The following CRISPLD2 variants were observed in gnomAD, a reference collection of about 807,000 sequenced individuals.
The protein encoded by CRISPLD2 is cysteine rich secretory protein LCCL domain containing 2, also known as cysteine-rich secretory protein LCCL domain-containing 2.
In CRISPLD2, 47 loss-of-function variants were observed where a neutral mutation model predicts 71.1. That is an observed-to-expected ratio of 0.66 (90% CI 0.52 to 0.84). The LOEUF is 0.84. Ranked by LOEUF, CRISPLD2 falls within the 40% of genes least tolerant of loss-of-function variation. CRISPLD2 has a pLI of 0.00. For missense variants in CRISPLD2, 830 were observed against 651.1 expected, an observed-to-expected ratio of 1.27 and a Z score of -2.99; for synonymous variants, 317 against 250.1, an observed-to-expected ratio of 1.27 and a Z score of -2.52.
In CRISPLD2 at chr16:84,844,670, G is replaced by A. The variant is rs377279003; in HGVS notation, c.241-1116G>A. 1.5e-4 allele frequency among the ~76,000 whole-genome samples: 23 copies of A among 152,098 alleles called. 1 individual carries two copies. The highest frequency in any genetic ancestry group is 5.2e-4 in the Admixed American group (8 of 15,272). On this transcript the variant is annotated intron_variant, in intron 2 of 14. Coordinates refer to ENST00000262424, the MANE Select transcript of CRISPLD2 (RefSeq NM_031476.4). ...GAGCCACTGCTCCGGGCCCATCTCC[G>A]GCACTTTCTATCTTCCAACTGAAAT...
intron 1 of CRISPLD2, among the ~76,000 whole-genome samples, chr16:84,837,683 C>T (rs1916658727): frequency 2.0e-5 from 3 of 152,308 alleles, no homozygotes; most frequent in African/African-American, 7.2e-5. Context: ...TCCCAAAGTG[C>T]TGGGATTACA....
At position 84,879,520 on chromosome 16, in the gene CRISPLD2, G is replaced by C. The variant is rs377403318; in HGVS notation, c.1230-989G>C. Among the ~76,000 whole-genome samples the C allele has an allele frequency of 1.6e-4, 24 of 152,222 alleles. 1 individual carries two copies. The East Asian group carries it at 4.1e-3, about 26-fold the overall frequency. Reference sequence around the variant, plus strand: ...TGGGATTACGGGCCTGCACCACCACGCCTGGCTAATTTTGTATTTTTAGTA... The same window carrying C: ...TGGGATTACGGGCCTGCACCACCACCCCTGGCTAATTTTGTATTTTTAGTA... On this transcript the variant is annotated intron_variant, in intron 12 of 14. Coordinates refer to ENST00000262424, the MANE Select transcript of CRISPLD2 (RefSeq NM_031476.4).
intron 3 of CRISPLD2, among the ~76,000 whole-genome samples, chr16:84,847,819 T>C (rs192973533): frequency 6.6e-6 from 1 of 152,220 alleles, no homozygotes; most frequent in Non-Finnish European, 1.5e-5. Flanking sequence ...CTGGATCACT[T>C]TGAAATCTTT....
chr16:84,847,658 A>G (rs997233775), intron 3 of CRISPLD2, among the ~76,000 whole-genome samples: 1 of 152,022 alleles, frequency 6.6e-6, no homozygotes, highest in African/African-American at 2.4e-5. Context: ...CTCAAAAAAA[A>G]AAAAAAATCT....
chr16:84,838,776 G>A (rs1004624876), intron 2 of CRISPLD2, 41 bp downstream of exon 2: 5 of 1,581,342 alleles, frequency 3.2e-6, no homozygotes, highest in East Asian at 2.3e-5. Context: ...CACCGGGGGT[G>A]GGGCCTGGGC....
intron 2 of CRISPLD2, among the ~76,000 whole-genome samples, chr16:84,842,852 G>T (rs1396895369): frequency 6.6e-6 from 1 of 152,130 alleles, no homozygotes; most frequent in Admixed American, 6.5e-5. Flanking sequence ...GAGGCCCCAC[G>T]TCTCTCTGGA....
In CRISPLD2 at chr16:84,907,723, C is replaced by T. The variant is rs4783099; in HGVS notation, c.*1081C>T. 0.37 allele frequency: 56,243 copies of T among 152,066 alleles called. 10,585 individuals carry two copies. Among genetic ancestry groups the T allele is most frequent in the East Asian group, 0.46 (2,391 of 5,172 alleles). 9.4% of individuals were successfully genotyped at this position (152,066 alleles called of 1,614,324 possible). On this transcript the variant is annotated 3_prime_UTR_variant, in exon 15 of 15. Coordinates refer to ENST00000262424, the MANE Select transcript of CRISPLD2 (RefSeq NM_031476.4). ...ATGGAGTCTTTGGTACATTCCTCAC[C>T]GAGGTTAGCAGCTCAGTTTGTGGTT...
chr16:84,849,189 C>T (rs562485461), intron 3 of CRISPLD2, 196 bp from the exon 4 acceptor site: 2 of 571,980 alleles, frequency 3.5e-6, no homozygotes, highest in Non-Finnish European at 6.3e-6. Flanking sequence ...CCTCGCTGCC[C>T]GTGGCTGCTC....
chr16:84,866,375 A>T (rs960259144), intron 6 of CRISPLD2, among the ~76,000 whole-genome samples: 1 of 152,088 alleles, frequency 6.6e-6, no homozygotes, highest in Non-Finnish European at 1.5e-5. Context: ...AGCTGGGATG[A>T]CAGGCGTCCG....
At chr16:84,877,012 C>G (rs1038768876) in intron 11 of CRISPLD2, among the ~76,000 whole-genome samples, 2 of 152,158 alleles carry the variant, frequency 1.3e-5, no homozygotes, top group African/African-American at 2.4e-5. Flanking sequence ...AGCTCTAGAG[C>G]AGGCACTGGA....
intron 14 of CRISPLD2, among the ~76,000 whole-genome samples, chr16:84,898,832 A>G (rs1434086375): frequency 1.3e-5 from 2 of 151,854 alleles, no homozygotes; most frequent in African/African-American, 2.4e-5. Flanking sequence ...TTTATTTCTC[A>G]CTTATAGTCC....
rs921761739 is a variant in CRISPLD2 at position 84,838,389 on chromosome 16, C to G, written c.-74-33C>G. The G allele has an allele frequency of 5.7e-6, 8 of 1,405,858 alleles. No individual in the cohort carries two copies. The African/African-American group carries it at 7.2e-5, about 13-fold the overall frequency. 87.1% of individuals were successfully genotyped at this position (1,405,858 alleles called of 1,614,324 possible). On this transcript the variant is annotated intron_variant, in intron 1 of 14. Transcript: ENST00000262424. ...GCGCTGTGACCGGCTCCTACTAATGCGACTTCTCCCACCACCCTCTGCTTC... is the reference window on the plus strand; with the variant it reads ...GCGCTGTGACCGGCTCCTACTAATGGGACTTCTCCCACCACCCTCTGCTTC...
In CRISPLD2 at chr16:84,873,945, A is replaced by G. The variant is rs144230063; in HGVS notation, c.1138A>G (p.Met380Val). 330 of 1,594,644 alleles carry G rather than the reference A, an allele frequency of 2.1e-4. No homozygotes were observed. Among genetic ancestry groups the G allele is most frequent in the African/African-American group, 2.6e-4 (19 of 72,022 alleles). ...LSKYKPSSSF[M>V]VSKVKVQDLD... The stretch of plus-strand genomic sequence containing the variant: ...CAAATACAAACCTTCCAGCTCATTC[A>G]TGGTGTCAAAAGTGAAAGGTAAGCT... The change falls in exon 11 of 15, where the codon ATG (methionine) becomes GTG (valine). Residue 380 changes from methionine (M) to valine (V), a missense_variant. Coordinates refer to ENST00000262424, the MANE Select transcript of CRISPLD2 (RefSeq NM_031476.4).
intron 3 of CRISPLD2, 181 bp from the exon 4 acceptor site, chr16:84,849,204 A>T: frequency 1.7e-6 from 1 of 586,660 alleles, no homozygotes; most frequent in South Asian, 2.2e-5. Context: ...CTGCTCCTGG[A>T]ATTGGGGGCT....
At chr16:84,822,529 G>C (rs1486500251) in intron 1 of CRISPLD2, among the ~76,000 whole-genome samples, 2 of 152,196 alleles carry the variant, frequency 1.3e-5, no homozygotes, top group Non-Finnish European at 2.9e-5. Context: ...GCCTGCGCCA[G>C]ACTCAGGAGG....
chr16:84,869,955 C>A (rs769678528), intron 8 of CRISPLD2, among the ~76,000 whole-genome samples: 1 of 152,214 alleles, frequency 6.6e-6, no homozygotes, highest in Non-Finnish European at 1.5e-5. Context: ...ACTCCCCATG[C>A]AGGGAGAAGG....
intron 6 of CRISPLD2, among the ~76,000 whole-genome samples, chr16:84,856,295 T>G (rs1313577113): frequency 1.1e-4 from 17 of 152,168 alleles, no homozygotes; most frequent in Admixed American, 9.2e-4. Flanking sequence ...CTTCCTTACC[T>G]CCACTGTGGA....
chr16:84,866,888 A>T lies in CRISPLD2; in HGVS notation c.710-9A>T. ...GTGTTATTTTTTTTCCTCCCTCTCCAATGTTAAGAAGAAACCTACACTCCA... is the reference window on the plus strand; with the variant it reads ...GTGTTATTTTTTTTCCTCCCTCTCCTATGTTAAGAAGAAACCTACACTCCA... On this transcript the variant is annotated splice_polypyrimidine_tract_variant and intron_variant, in intron 6 of 14. Transcript: ENST00000262424. 6.2e-7 allele frequency: 1 copy of T among 1,609,650 alleles called. No individual in the cohort carries two copies. Among genetic ancestry groups the T allele is most frequent in the Admixed American group, 1.7e-5 (1 of 59,558 alleles).
chr16:84,881,799 G>C (rs2071570775), intron 13 of CRISPLD2, among the ~76,000 whole-genome samples: 1 of 152,036 alleles, frequency 6.6e-6, no homozygotes, highest in African/African-American at 2.4e-5. Context: ...TTACTCAGCT[G>C]CTTGTCATCA....
Sources: gnomAD v4.1 joint callset for allele counts (sites outside exome capture counted in the v4.1 genomes callset) on GRCh38, gnomAD v4.1.1 for gene constraint, MANE v1.5 for transcripts, NCBI Gene and HGNC (gene_info 2026-07-23, HGNC 2026-07-21) for gene names.